The following MACROD2 variants were observed in gnomAD, a reference collection of about 807,000 sequenced individuals.
MACROD2 encodes mono-ADP ribosylhydrolase 2.
In MACROD2, 36 loss-of-function variants were observed where a neutral mutation model predicts 70.4. The ratio of observed to expected loss-of-function variants is 0.51; its 90% CI spans 0.39 to 0.68. The LOEUF (loss-of-function observed/expected upper bound fraction) is 0.68. Among genes scored for constraint, MACROD2 ranks in the 30% least tolerant of loss-of-function variants. The pLI, the probability that MACROD2 is intolerant of heterozygous loss-of-function variation, is 0.00. For missense variants in MACROD2, 496 were observed against 538.4 expected (o/e 0.92, Z 0.78); for synonymous variants, 172 against 178.8 (o/e 0.96, Z 0.30).
intron 3 of MACROD2, among the ~76,000 whole-genome samples, chr20:14,367,661 G>A (rs1174970635): frequency 6.6e-6 from 1 of 152,134 alleles, no homozygotes; most frequent in Non-Finnish European, 1.5e-5. Flanking sequence ...TTGTATGTTG[G>A]ATGAATTGCT....
chr20:15,101,290 G>A (rs570436595), intron 5 of MACROD2, among the ~76,000 whole-genome samples: 38 of 151,988 alleles, frequency 2.5e-4, no homozygotes, highest in African/African-American at 8.9e-4. Context: ...TGGAAATAAG[G>A]CATTTTATCT....
At chr20:14,850,613 C>G (rs1487195149) in intron 5 of MACROD2, 1 of 152,056 alleles carries the variant, frequency 6.6e-6, no homozygotes, top group Non-Finnish European at 1.5e-5. Context: ...TCCAGGACAC[C>G]CCACACTTAC....
intron 10 of MACROD2, among the ~76,000 whole-genome samples, chr20:15,887,649 A>G (rs1217817549): frequency 2.0e-5 from 3 of 152,162 alleles, no homozygotes; most frequent in South Asian, 2.1e-4. Flanking sequence ...CTCATGTTCT[A>G]TTCTAATGCT....
chr20:15,109,313 T>C (rs1394707703), intron 5 of MACROD2, among the ~76,000 whole-genome samples: 1 of 152,104 alleles, frequency 6.6e-6, no homozygotes, highest in Non-Finnish European at 1.5e-5. Flanking sequence ...GTGGATGAAA[T>C]GTCGCTTTAA....
chr20:15,597,232 C>G (rs2048757836), intron 8 of MACROD2, among the ~76,000 whole-genome samples: 1 of 152,176 alleles, frequency 6.6e-6, no homozygotes, highest in Non-Finnish European at 1.5e-5. Flanking sequence ...TTCAGTAAGG[C>G]CATTCCAAGA....
At chr20:15,727,770 A>G (rs974052813) in intron 8 of MACROD2, among the ~76,000 whole-genome samples, 4 of 151,930 alleles carry the variant, frequency 2.6e-5, no homozygotes, top group Non-Finnish European at 5.9e-5. Flanking sequence ...AATGCTACTG[A>G]TTTTTGTACT....
chr20:14,298,092 C>T (rs1371260354), intron 3 of MACROD2, among the ~76,000 whole-genome samples: 1 of 151,874 alleles, frequency 6.6e-6, no homozygotes, highest in Non-Finnish European at 1.5e-5. Flanking sequence ...TCTATTGAGA[C>T]CTACTCCTGA....
chr20:14,840,810 C>G (rs929322291), intron 5 of MACROD2, among the ~76,000 whole-genome samples: 2 of 151,958 alleles, frequency 1.3e-5, no homozygotes, highest in African/African-American at 4.8e-5. Flanking sequence ...TCACAGTGTT[C>G]TATAATATTT....
At chr20:15,853,648 G>A (rs990041980) in intron 8 of MACROD2, among the ~76,000 whole-genome samples, 1 of 152,094 alleles carries the variant, frequency 6.6e-6, no homozygotes, top group Admixed American at 6.6e-5. Flanking sequence ...AGGAAATGAA[G>A]ACCCCCATCC....
chr20:14,634,353 A>G (rs1250470025), intron 4 of MACROD2, among the ~76,000 whole-genome samples: 2 of 152,224 alleles, frequency 1.3e-5, no homozygotes, highest in Non-Finnish European at 2.9e-5. Flanking sequence ...GCACAGAGTA[A>G]GCATTTAATA....
chr20:14,206,302 C>T (rs6110196), intron 3 of MACROD2, among the ~76,000 whole-genome samples: 7,928 of 152,192 alleles, frequency 0.052, 274 homozygotes, highest in Non-Finnish European at 0.077. Context: ...TATTGCATTC[C>T]GCTGTGGAAC....
intron 5 of MACROD2, among the ~76,000 whole-genome samples, chr20:14,835,061 T>A (rs2073014202): frequency 6.6e-6 from 1 of 152,098 alleles, no homozygotes; most frequent in East Asian, 1.9e-4. Context: ...ATAGTAGAAC[T>A]GAATGGAACA....
chr20:14,052,729 A>G (rs1601163220), intron 2 of MACROD2, among the ~76,000 whole-genome samples: 1 of 152,046 alleles, frequency 6.6e-6, no homozygotes, highest in East Asian at 1.9e-4. Context: ...TATGTCAGGG[A>G]ATTTCTCAGA....
chr20:15,095,069 T>TTTC, intron 5 of MACROD2, among the ~76,000 whole-genome samples: 1 of 21,560 alleles, frequency 4.6e-5, no homozygotes, highest in African/African-American at 1.5e-4. Context: ...CTCTTCTTTT[T>TTTC]TTTTTTTTTT....
chr20:14,670,174 T>A (rs1385773516), intron 4 of MACROD2, among the ~76,000 whole-genome samples: 2 of 152,134 alleles, frequency 1.3e-5, no homozygotes, highest in African/African-American at 4.8e-5. Context: ...AGCTAGTATA[T>A]CCTTTGCCTG....
At chr20:15,485,131 A>C (rs6043319) in intron 7 of MACROD2, among the ~76,000 whole-genome samples, 4,991 of 151,828 alleles carry the variant, frequency 0.033, 267 homozygotes, top group African/African-American at 0.11. Context: ...TAGGAAAGTA[A>C]GAAAAAGATC....
chr20:14,864,805 G>T (rs1322734410), intron 5 of MACROD2, among the ~76,000 whole-genome samples: 1 of 152,052 alleles, frequency 6.6e-6, no homozygotes, highest in Non-Finnish European at 1.5e-5. Context: ...AAAAACAGTA[G>T]TATGTTAAGA....
At chr20:14,236,277 A>G (rs953035803) in intron 3 of MACROD2, among the ~76,000 whole-genome samples, 1 of 152,142 alleles carries the variant, frequency 6.6e-6, no homozygotes. Flanking sequence ...TTTCATATTC[A>G]TGATCGATTA....
At position 14,562,852 on chromosome 20, in the gene MACROD2, G is replaced by A. The variant is rs183468180; in HGVS notation, c.301+69344G>A. Among the ~76,000 whole-genome samples, 118 of 151,726 alleles carry A rather than the reference G, an allele frequency of 7.8e-4. 1 individual carries two copies. The highest frequency in any genetic ancestry group is 1.8e-3 in the East Asian group (9 of 5,136). On this transcript the variant is annotated intron_variant, in intron 4 of 17. Coordinates refer to ENST00000684519, the MANE Select transcript of MACROD2 (RefSeq NM_001351661.2). ...CCTTTCTCTGGATTTGTTGCCTGTC[G>A]TGTTCTTGCCAGTCCTCTTCTGGGG...
Sources: allele counts gnomAD v4.1 joint callset (sites outside exome capture counted in the v4.1 genomes callset), GRCh38; gene constraint gnomAD v4.1.1; transcripts MANE v1.5; gene names NCBI Gene and HGNC (gene_info 2026-07-23, HGNC 2026-07-21).